ACTR2: variants seen among roughly 807,000 people sequenced by gnomAD.
ACTR2 encodes the protein actin-related protein 2.
In ACTR2, 5 loss-of-function variants were observed where a neutral mutation model predicts 50.2. The observed-to-expected ratio is 0.10, with a 90% confidence interval of 0.05 to 0.21. The LOEUF (loss-of-function observed/expected upper bound fraction) is 0.21. Among genes scored for constraint, ACTR2 ranks in the 10% least tolerant of loss-of-function variants. The pLI, the probability that ACTR2 is intolerant of heterozygous loss-of-function variation, is 1.00. For missense variants in ACTR2, 180 were observed against 480.6 expected, an observed-to-expected ratio of 0.37 and a Z score of 5.85; for synonymous variants, 140 against 162.9, an observed-to-expected ratio of 0.86 and a Z score of 1.07.
chr2:65,245,938 C>A (rs1362388574), intron 2 of ACTR2, among the ~76,000 whole-genome samples: 1 of 152,140 alleles, frequency 6.6e-6, no homozygotes, highest in Non-Finnish European at 1.5e-5. Context: ...CTTGGTGAGG[C>A]ATATGTAGAA....
intron 1 of ACTR2, among the ~76,000 whole-genome samples, chr2:65,229,263 C>T (rs527818705): frequency 1.3e-5 from 2 of 152,180 alleles, no homozygotes; most frequent in Admixed American, 1.3e-4. Context: ...CCCCTCCCTC[C>T]CATAAATATG....
At chr2:65,240,874 G>A (rs1671829439) in intron 2 of ACTR2, among the ~76,000 whole-genome samples, 1 of 152,148 alleles carries the variant, frequency 6.6e-6, no homozygotes, top group Non-Finnish European at 1.5e-5. Context: ...ATCTCTTTGG[G>A]ACATTTGTTT....
In ACTR2 at chr2:65,233,856, C is replaced by T. The variant is rs996034362; in HGVS notation, c.48+5899C>T. The stretch of plus-strand genomic sequence containing the variant: ...GAACTCCTGACCTCAAATGATCCTC[C>T]TGCCTTGGCCTCCTAAAGTGCTGGG... On this transcript the variant is annotated intron_variant, in intron 1 of 8. Transcript: ENST00000260641. 3.9e-5 allele frequency among the ~76,000 whole-genome samples: 6 copies of T among 152,144 alleles called. No individual in the cohort carries two copies. The South Asian group carries it at 8.3e-4, about 21-fold the overall frequency.
intron 2 of ACTR2, among the ~76,000 whole-genome samples, chr2:65,244,815 C>T (rs1671905103): frequency 6.6e-6 from 1 of 151,708 alleles, no homozygotes. Flanking sequence ...GGGCATGTAG[C>T]CTGTAGTCCC....
chr2:65,246,194 T>A (rs973862399), intron 2 of ACTR2: 1 of 179,622 alleles, frequency 5.6e-6, no homozygotes, highest in Non-Finnish European at 1.2e-5. Flanking sequence ...GGCCTTATTT[T>A]TTGAACAATT....
intron 5 of ACTR2, among the ~76,000 whole-genome samples, chr2:65,255,000 A>G (rs1573163058): frequency 6.6e-6 from 1 of 152,268 alleles, no homozygotes; most frequent in East Asian, 1.9e-4. Flanking sequence ...TTAAAAAAAT[A>G]GTAGTATTTT....
chr2:65,262,169 C>T (rs1169142610), intron 7 of ACTR2, among the ~76,000 whole-genome samples: 2 of 152,150 alleles, frequency 1.3e-5, no homozygotes, highest in Non-Finnish European at 1.5e-5. Flanking sequence ...TATATTCTCA[C>T]ATTCTATAGG....
intron 2 of ACTR2, 43 bp downstream of exon 2, chr2:65,240,005 GGT>G (rs1558621682): frequency 7.5e-7 from 1 of 1,325,764 alleles, no homozygotes; most frequent in South Asian, 1.2e-5. Flanking sequence ...AGACATGTGA[GGT>G]GTTCTTATAA....
intron 7 of ACTR2, 91 bp from the exon 8 acceptor site, chr2:65,264,952 G>C (rs1341480352): frequency 6.9e-7 from 1 of 1,448,680 alleles, no homozygotes; most frequent in Non-Finnish European, 9.6e-7. Context: ...AATTCTCCCA[G>C]CAACCCCGAG....
chr2:65,238,249 A>G (rs1021594561), intron 1 of ACTR2, among the ~76,000 whole-genome samples: 2 of 152,244 alleles, frequency 1.3e-5, no homozygotes, highest in Admixed American at 6.5e-5. Context: ...ATCCTGTAGA[A>G]TATCAGCTTC....
At position 65,269,817 on chromosome 2, in the gene ACTR2, A is replaced by G. The variant is rs1463812041; in HGVS notation, c.*1083A>G. The G allele has an allele frequency of 6.6e-6, 1 of 152,346 alleles. No homozygotes were observed. 9.4% of individuals were successfully genotyped at this position (152,346 alleles called of 1,614,324 possible). ...CATTGGAATACAGGACTTGTTGCCA[A>G]TTGGGTAATTTTCATTAGTTGTTTT... On this transcript the variant is annotated 3_prime_UTR_variant, in exon 9 of 9. Coordinates refer to ENST00000260641, the MANE Select transcript of ACTR2 (RefSeq NM_005722.4).
chr2:65,260,455 G>A (rs544575158), intron 6 of ACTR2, among the ~76,000 whole-genome samples: 11 of 152,288 alleles, frequency 7.2e-5, no homozygotes, highest in African/African-American at 2.6e-4. Flanking sequence ...GCAGTGAGCC[G>A]AGATCGTGCC....
chr2:65,261,534 A>G, intron 7 of ACTR2, 142 bp downstream of exon 7: 1 of 870,178 alleles, frequency 1.1e-6, no homozygotes, highest in East Asian at 2.8e-5. Flanking sequence ...ACTTACGGAA[A>G]GGTTGCAAGA....
chr2:65,251,654 C>A (rs1672053683), intron 4 of ACTR2, among the ~76,000 whole-genome samples: 1 of 152,098 alleles, frequency 6.6e-6, no homozygotes, highest in African/African-American at 2.4e-5. Flanking sequence ...AGTCACCGTG[C>A]CTGGCATAGC....
chr2:65,245,594 C>G (rs943603677), intron 2 of ACTR2, among the ~76,000 whole-genome samples: 1 of 152,138 alleles, frequency 6.6e-6, no homozygotes, highest in Non-Finnish European at 1.5e-5. Context: ...CGTATTGTAG[C>G]AAATATCTAC....
chr2:65,261,851 C>A (rs1285676118), intron 7 of ACTR2, among the ~76,000 whole-genome samples: 1 of 152,246 alleles, frequency 6.6e-6, no homozygotes, highest in Non-Finnish European at 1.5e-5. Context: ...CACACTCCCA[C>A]CAGCAGTGTA....
At chr2:65,238,980 TA>T (rs1671791913) in intron 1 of ACTR2, among the ~76,000 whole-genome samples, 1 of 151,718 alleles carries the variant, frequency 6.6e-6, no homozygotes, top group Non-Finnish European at 1.5e-5. Flanking sequence ...AAGAAATAAA[TA>T]GCCAAAAATG....
intron 2 of ACTR2, chr2:65,242,562 C>T: frequency 2.3e-6 from 1 of 436,436 alleles, no homozygotes. Flanking sequence ...TGTAAATAAA[C>T]CATAGATAGA....
chr2:65,249,668 T>TACC (rs1245901400), intron 3 of ACTR2, among the ~76,000 whole-genome samples: 1 of 152,120 alleles, frequency 6.6e-6, no homozygotes, highest in Non-Finnish European at 1.5e-5. Flanking sequence ...TAGGCAACCC[T>TACC]ACCAGTCAAG....
Sources: allele counts gnomAD v4.1 joint callset (sites outside exome capture counted in the v4.1 genomes callset), GRCh38; gene constraint gnomAD v4.1.1; transcripts MANE v1.5; gene names NCBI Gene and HGNC (gene_info 2026-07-23, HGNC 2026-07-21).